Variants in NUFIP1 observed in about 807,000 individuals in gnomAD.
NUFIP1 encodes nuclear FMR1 interacting protein 1.
A neutral mutation model predicts 56.2 loss-of-function variants in NUFIP1; 38 were observed. The ratio of observed to expected loss-of-function variants is 0.68; its 90% CI spans 0.52 to 0.89. NUFIP1 has a LOEUF of 0.89. Among genes scored for constraint, NUFIP1 ranks in the 40% least tolerant of loss-of-function variants. The probability of loss-of-function intolerance (pLI) is 0.00; values close to 1 mark genes in which losing one functional copy is unlikely to be tolerated. For synonymous variants in NUFIP1, 215 were observed against 212.4 expected (o/e 1.01, Z -0.10); for missense variants, 567 against 605.8 (o/e 0.94, Z 0.67).
intron 8 of NUFIP1, among the ~76,000 whole-genome samples, chr13:44,949,212 T>TA (rs1179752915): frequency 7.0e-6 from 1 of 143,424 alleles, no homozygotes; most frequent in Non-Finnish European, 1.5e-5. Context: ...TTTTTTTTTT[T>TA]TTTTTTTGAG....
At chr13:44,943,810 G>A in intron 8 of NUFIP1, 136 bp from the exon 9 acceptor site, 2 of 700,972 alleles carry the variant, frequency 2.9e-6, no homozygotes, top group Non-Finnish European at 4.6e-6. Context: ...AACTATGAAA[G>A]ATTTTTGCAA....
chr13:44,963,040 T>C (rs1481295779), intron 6 of NUFIP1, among the ~76,000 whole-genome samples: 1 of 152,118 alleles, frequency 6.6e-6, no homozygotes, highest in African/African-American at 2.4e-5. Flanking sequence ...AAGTGACACA[T>C]TGTAATTTTA....
At chr13:44,949,271 G>A (rs931223669) in intron 8 of NUFIP1, among the ~76,000 whole-genome samples, 30 of 129,992 alleles carry the variant, frequency 2.3e-4, no homozygotes, top group Admixed American at 1.2e-3. Context: ...GCGGGATCTC[G>A]GCTCACTGCA....
intron 1 of NUFIP1, 92 bp from the exon 2 acceptor site, chr13:44,982,246 C>A: frequency 1.9e-6 from 1 of 520,838 alleles, no homozygotes. Context: ...ACAAATATTT[C>A]AGTAAAAACA....
chr13:44,967,072 A>G lies in NUFIP1; in HGVS notation c.735-1136T>C, dbSNP rs74981921. Among the ~76,000 whole-genome samples the G allele has an allele frequency of 6.5e-3, 986 of 152,140 alleles. 12 individuals carry two copies. Among genetic ancestry groups the G allele is most frequent in the African/African-American group, 0.022 (934 of 41,560 alleles). On this transcript the variant is annotated intron_variant, in intron 5 of 9. Transcript: ENST00000379161. ...CACAAATAGTGATAACATAAGACAAAAGTACCCAAGAGGGTATAAAGACTG... is the reference window on the plus strand; with the variant it reads ...CACAAATAGTGATAACATAAGACAAGAGTACCCAAGAGGGTATAAAGACTG...
chr13:44,968,533 C>A (rs1052931044), intron 5 of NUFIP1, among the ~76,000 whole-genome samples: 12 of 152,084 alleles, frequency 7.9e-5, no homozygotes, highest in Non-Finnish European at 1.3e-4. Context: ...AGATGAGAAG[C>A]GACAATAAAA....
chr13:44,963,245 G>A (rs770672903), intron 6 of NUFIP1, among the ~76,000 whole-genome samples: 3 of 152,196 alleles, frequency 2.0e-5, no homozygotes, highest in Admixed American at 6.5e-5. Context: ...TTGTAGTTCT[G>A]AGTGTAGAAT....
chr13:44,984,664 AAAAT>A (rs1332715216), intron 1 of NUFIP1, among the ~76,000 whole-genome samples: 1 of 146,764 alleles, frequency 6.8e-6, no homozygotes. Context: ...AAATAAAATA[AAAAT>A]AAAACACTAA....
intron 6 of NUFIP1, among the ~76,000 whole-genome samples, chr13:44,961,462 TA>T (rs1304871518): frequency 1.3e-5 from 2 of 152,234 alleles, no homozygotes; most frequent in Non-Finnish European, 2.9e-5. Context: ...AAGCCCTTAA[TA>T]AATGGTAGTT....
chr13:44,979,997 T>G (rs751431849), intron 3 of NUFIP1, 45 bp from the exon 4 acceptor site: 30 of 1,455,694 alleles, frequency 2.1e-5, no homozygotes, highest in Non-Finnish European at 2.8e-5. Context: ...ACAAATGTTT[T>G]CCATGTTAAA....
chr13:44,947,535 G>A lies in NUFIP1; in HGVS notation c.1138+2187C>T, dbSNP rs555069985. Among the ~76,000 whole-genome samples, 36 of 152,116 alleles carry A rather than the reference G, an allele frequency of 2.4e-4. No individual in the cohort carries two copies. The South Asian group carries it at 4.6e-3, about 19-fold the overall frequency. ...ATTGCAGACATGAGCCACCGTGCCC[G>A]ACCAAGCTTATCCTTTCTATGCTTA... On this transcript the variant is annotated intron_variant, in intron 8 of 9. Transcript: ENST00000379161.
intron 1 of NUFIP1, among the ~76,000 whole-genome samples, chr13:44,983,171 T>C (rs1872256222): frequency 6.6e-6 from 1 of 151,768 alleles, no homozygotes; most frequent in African/African-American, 2.4e-5. Flanking sequence ...TCTCTTATTT[T>C]ATTTTATTTT....
intron 3 of NUFIP1, 108 bp from the exon 4 acceptor site, chr13:44,980,060 C>T: frequency 1.3e-6 from 1 of 761,272 alleles, no homozygotes; most frequent in Non-Finnish European, 2.1e-6. Context: ...CATAGTTATC[C>T]CATCTGTATA....
intron 5 of NUFIP1, among the ~76,000 whole-genome samples, chr13:44,967,009 T>A: frequency 6.7e-6 from 1 of 150,142 alleles, no homozygotes; most frequent in East Asian, 2.0e-4. Flanking sequence ...TAAAATAAAA[T>A]AAAAAATATA....
intron 1 of NUFIP1, among the ~76,000 whole-genome samples, chr13:44,982,716 T>C (rs1045349106): frequency 6.6e-6 from 1 of 152,028 alleles, no homozygotes; most frequent in African/African-American, 2.4e-5. Flanking sequence ...GCTCAAAAAT[T>C]TGCATATGGA....
chr13:44,960,267 T>C (rs972254494), intron 6 of NUFIP1, among the ~76,000 whole-genome samples: 1 of 151,160 alleles, frequency 6.6e-6, no homozygotes, highest in Non-Finnish European at 1.5e-5. Context: ...ATGTTCACTC[T>C]TGTCTACTCA....
At chr13:44,955,639 A>G (rs921976357) in intron 7 of NUFIP1, among the ~76,000 whole-genome samples, 2 of 152,252 alleles carry the variant, frequency 1.3e-5, no homozygotes, top group African/African-American at 4.8e-5. Flanking sequence ...TTGAATAACC[A>G]GATTTTAAGG....
At position 44,983,254 on chromosome 13, in the gene NUFIP1, C is replaced by T. The variant is rs1413734519; in HGVS notation, c.413-1100G>A. On this transcript the variant is annotated intron_variant, in intron 1 of 9. Transcript: ENST00000379161. ...GCAGTGGCACAATCTTGGCTCACTG[C>T]AACCTCTGCTTCCCAGGTTCAAGCG... is the stretch of plus-strand genomic sequence containing the variant. 2.6e-5 allele frequency among the ~76,000 whole-genome samples: 4 copies of T among 152,134 alleles called. No individual in the cohort carries two copies. In the East Asian group the frequency reaches 7.8e-4, roughly 29 times the overall value.
At chr13:44,976,286 AGAAG>A (rs76254028) in intron 5 of NUFIP1, among the ~76,000 whole-genome samples, 372 of 152,156 alleles carry the variant, frequency 2.4e-3, no homozygotes, top group South Asian at 8.5e-3. Flanking sequence ...AAATGAAAGA[AGAAG>A]GAAGGAAGGA....
Sources: gnomAD v4.1 joint callset for allele counts (sites outside exome capture counted in the v4.1 genomes callset) on GRCh38, gnomAD v4.1.1 for gene constraint, MANE v1.5 for transcripts, NCBI Gene and HGNC (gene_info 2026-07-23, HGNC 2026-07-21) for gene names.